NRXN3: variants seen among roughly 807,000 people sequenced by gnomAD.
NRXN3 encodes neurexin III.
Under a neutral mutation model 137.6 loss-of-function variants are expected in NRXN3, and 32 were observed. The ratio of observed to expected loss-of-function variants is 0.23; its 90% CI spans 0.18 to 0.31. The LOEUF (loss-of-function observed/expected upper bound fraction) is 0.31. Ranked by LOEUF, NRXN3 falls within the 10% of genes least tolerant of loss-of-function variation. The pLI is 1.00. For synonymous variants in NRXN3, 798 were observed against 784.5 expected, an observed-to-expected ratio of 1.02 and a Z score of -0.29; for missense variants, 1,574 against 2,062.5, an observed-to-expected ratio of 0.76 and a Z score of 4.59.
chr14:79,811,709 G>A (rs1274517163), intron 20 of NRXN3, among the ~76,000 whole-genome samples: 1 of 150,928 alleles, frequency 6.6e-6, no homozygotes, highest in African/African-American at 2.4e-5. Context: ...AGTCTCCTGA[G>A]TAGCTGGGAC....
At chr14:78,322,152 G>A (rs1243465198) in intron 4 of NRXN3, among the ~76,000 whole-genome samples, 2 of 151,844 alleles carry the variant, frequency 1.3e-5, no homozygotes, top group South Asian at 2.1e-4. Context: ...GCCTTCATGG[G>A]TTATTAGGGG....
At chr14:78,464,829 G>A (rs2095048979) in intron 4 of NRXN3, among the ~76,000 whole-genome samples, 1 of 152,126 alleles carries the variant, frequency 6.6e-6, no homozygotes, top group Non-Finnish European at 1.5e-5. Flanking sequence ...TGCTATGAGA[G>A]TTTAGGGCCA....
At chr14:79,531,939 C>T (rs1199289279) in intron 16 of NRXN3, among the ~76,000 whole-genome samples, 3 of 152,140 alleles carry the variant, frequency 2.0e-5, no homozygotes, top group Admixed American at 1.3e-4. Flanking sequence ...AAATTATTCT[C>T]GTCAATCATC....
intron 15 of NRXN3, among the ~76,000 whole-genome samples, chr14:79,091,996 A>T (rs1037354317): frequency 1.3e-5 from 2 of 152,208 alleles, no homozygotes; most frequent in Non-Finnish European, 2.9e-5. Flanking sequence ...TAAAGTTATT[A>T]TTAAAAAGGA....
intron 15 of NRXN3, among the ~76,000 whole-genome samples, chr14:79,317,239 GA>G (rs533698477): frequency 2.9e-4 from 43 of 150,704 alleles, no homozygotes; most frequent in Middle Eastern, 3.4e-3. Flanking sequence ...TCTCAAAAAA[GA>G]AAAAAAAAGT....
At chr14:78,271,242 T>C (rs1476384778) in intron 2 of NRXN3, among the ~76,000 whole-genome samples, 4 of 152,212 alleles carry the variant, frequency 2.6e-5, no homozygotes, top group Non-Finnish European at 2.9e-5. Flanking sequence ...CAACTTCATC[T>C]TTCCGGTTAA....
At chr14:79,500,245 A>C (rs1030070105) in intron 16 of NRXN3, among the ~76,000 whole-genome samples, 1 of 150,240 alleles carries the variant, frequency 6.7e-6, no homozygotes, top group African/African-American at 2.5e-5. Context: ...GCAAAAAAAA[A>C]AAAAAAAAAA....
intron 15 of NRXN3, among the ~76,000 whole-genome samples, chr14:79,254,266 A>G (rs1204648258): frequency 6.6e-6 from 1 of 152,206 alleles, no homozygotes; most frequent in Non-Finnish European, 1.5e-5. Context: ...ATGCAGTGAC[A>G]AACCAAGAAT....
chr14:78,888,170 G>A (rs1256238886), intron 10 of NRXN3, among the ~76,000 whole-genome samples: 3 of 151,988 alleles, frequency 2.0e-5, no homozygotes, highest in Non-Finnish European at 2.9e-5. Context: ...GCTTCATATT[G>A]GAGGCCTTCA....
intron 2 of NRXN3, among the ~76,000 whole-genome samples, chr14:78,277,276 G>A (rs1488404968): frequency 6.6e-6 from 1 of 152,182 alleles, no homozygotes; most frequent in Non-Finnish European, 1.5e-5. Flanking sequence ...TGTTCAGGCA[G>A]CAAATTAGAG....
At chr14:78,275,987 C>CA (rs1397044926) in intron 2 of NRXN3, among the ~76,000 whole-genome samples, 10 of 152,190 alleles carry the variant, frequency 6.6e-5, no homozygotes, top group African/African-American at 7.2e-5. Flanking sequence ...TCAGGTCACT[C>CA]ACTGCTTCTT....
rs576073587 is a variant in NRXN3 at position 79,731,083 on chromosome 14, G to A, written c.4014+33146G>A. Among the ~76,000 whole-genome samples, 12 of 152,286 alleles carry A rather than the reference G, an allele frequency of 7.9e-5. No homozygotes were observed. In the South Asian group the frequency reaches 2.3e-3, roughly 29 times the overall value. ...GACACTGCGGGTTGCTAAGGAGTGT[G>A]GTTTCTGTGGTTGGAGTAGAGAAAA... On this transcript the variant is annotated intron_variant, in intron 19 of 20. Coordinates refer to ENST00000335750, the MANE Select transcript of NRXN3 (RefSeq NM_001330195.2).
intron 4 of NRXN3, among the ~76,000 whole-genome samples, chr14:78,441,645 C>A (rs1044104300): frequency 1.2e-4 from 18 of 151,892 alleles, no homozygotes; most frequent in South Asian, 2.1e-4. Flanking sequence ...GGTGGTTCCC[C>A]CAAAAGATAT....
At chr14:78,965,981 T>G (rs772784740) in intron 11 of NRXN3, 44 bp from the exon 12 acceptor site, 2 of 1,585,494 alleles carry the variant, frequency 1.3e-6, no homozygotes, top group Non-Finnish European at 1.7e-6. Flanking sequence ...CTGTGATAAA[T>G]GATGGTAACT....
chr14:79,524,502 CAATA>C (rs1219843027), intron 16 of NRXN3, among the ~76,000 whole-genome samples: 2 of 152,162 alleles, frequency 1.3e-5, no homozygotes, highest in African/African-American at 2.4e-5. Flanking sequence ...TGATGATCGA[CAATA>C]AAGAAATCAA....
At chr14:78,685,629 CTTT>C (rs36106336) in intron 6 of NRXN3, among the ~76,000 whole-genome samples, 1,292 of 80,200 alleles carry the variant, frequency 0.016, 17 homozygotes, top group African/African-American at 0.051. Flanking sequence ...AGAAATGTCA[CTTT>C]TTTTTTTTTT....
At chr14:78,951,538 A>G (rs948345547) in intron 10 of NRXN3, among the ~76,000 whole-genome samples, 4 of 151,816 alleles carry the variant, frequency 2.6e-5, no homozygotes, top group Middle Eastern at 3.2e-3. Flanking sequence ...CCTACCCCCA[A>G]CTGCTTTTCA....
chr14:78,918,285 C>CAAA (rs71454807), intron 10 of NRXN3, among the ~76,000 whole-genome samples: 922 of 34,248 alleles, frequency 0.027, 35 homozygotes, highest in African/African-American at 0.089. Flanking sequence ...AACTCCATCT[C>CAAA]AAAAAAAAAA....
At chr14:78,575,909 C>T (rs1566792739) in intron 4 of NRXN3, among the ~76,000 whole-genome samples, 1 of 152,190 alleles carries the variant, frequency 6.6e-6, no homozygotes, top group Admixed American at 6.5e-5. Flanking sequence ...CCCCAATTAA[C>T]AGTGACAGCA....
Sources: gnomAD v4.1 joint callset for allele counts (sites outside exome capture counted in the v4.1 genomes callset) on GRCh38, gnomAD v4.1.1 for gene constraint, MANE v1.5 for transcripts, NCBI Gene and HGNC (gene_info 2026-07-23, HGNC 2026-07-21) for gene names.